Variants in HDAC9 observed in about 807,000 individuals in gnomAD.
HDAC9 encodes the protein MEF-2 interacting transcription repressor (MITR) protein.
A neutral mutation model predicts 139.4 loss-of-function variants in HDAC9; 41 were observed. The ratio of observed to expected loss-of-function variants is 0.29; its 90% confidence interval spans 0.23 to 0.38. The LOEUF is 0.38. Ranked by LOEUF, HDAC9 falls within the 10% of genes least tolerant of loss-of-function variation. HDAC9 has a pLI of 1.00. For missense variants in HDAC9, 1,147 were observed against 1,297.0 expected (o/e 0.88, Z 1.78); for synonymous variants, 517 against 476.2 (o/e 1.09, Z -1.12).
chr7:18,711,953 G>A (rs1304700443), intron 12 of HDAC9, among the ~76,000 whole-genome samples: 1 of 146,100 alleles, frequency 6.8e-6, no homozygotes, highest in Non-Finnish European at 1.5e-5. Flanking sequence ...TTTTTCCTTC[G>A]GGAAAACAGT....
chr7:18,409,842 A>G (rs906646351), intron 1 of HDAC9, among the ~76,000 whole-genome samples: 1 of 152,204 alleles, frequency 6.6e-6, no homozygotes, highest in Non-Finnish European at 1.5e-5. Flanking sequence ...AATATTGGCT[A>G]AATTAAACAT....
At chr7:18,457,638 G>A (rs931283538) in intron 1 of HDAC9, among the ~76,000 whole-genome samples, 3 of 152,078 alleles carry the variant, frequency 2.0e-5, no homozygotes, top group African/African-American at 4.8e-5. Context: ...ATAAACTGTA[G>A]GTTATAAACG....
chr7:18,396,872 T>C (rs544181893), intron 1 of HDAC9, among the ~76,000 whole-genome samples: 1 of 152,280 alleles, frequency 6.6e-6, no homozygotes, highest in South Asian at 2.1e-4. Context: ...GTTGTCATTG[T>C]GTTGTAAAAC....
At chr7:18,409,090 G>A (rs1380033013) in intron 1 of HDAC9, among the ~76,000 whole-genome samples, 1 of 152,174 alleles carries the variant, frequency 6.6e-6, no homozygotes, top group African/African-American at 2.4e-5. Flanking sequence ...GCCCTGGAAT[G>A]TAGTTGCCTT....
intron 1 of HDAC9, among the ~76,000 whole-genome samples, chr7:18,372,457 T>C (rs1400061981): frequency 6.6e-6 from 1 of 152,170 alleles, no homozygotes; most frequent in Non-Finnish European, 1.5e-5. Flanking sequence ...TTTCCAGGAC[T>C]GTATTTTCCC....
intron 1 of HDAC9, among the ~76,000 whole-genome samples, chr7:18,115,952 A>G (rs927458207): frequency 2.6e-5 from 4 of 152,206 alleles, no homozygotes; most frequent in African/African-American, 9.7e-5. Flanking sequence ...ACTTCACTAC[A>G]TTGATACTTA....
At chr7:18,257,523 A>G (rs1405340587) in intron 2 of HDAC9, among the ~76,000 whole-genome samples, 1 of 152,104 alleles carries the variant, frequency 6.6e-6, no homozygotes, top group African/African-American at 2.4e-5. Flanking sequence ...TTTTGTATAA[A>G]TAAATGACCC....
intron 1 of HDAC9, among the ~76,000 whole-genome samples, chr7:18,392,856 G>T (rs561518431): frequency 1.4e-5 from 2 of 140,228 alleles, no homozygotes; most frequent in African/African-American, 2.6e-5. Context: ...TTATTTGCTG[G>T]ACTTGACATT....
chr7:18,887,615 C>A (rs577867783), intron 22 of HDAC9, among the ~76,000 whole-genome samples: 67 of 152,054 alleles, frequency 4.4e-4, no homozygotes, highest in Non-Finnish European at 7.8e-4. Flanking sequence ...ATCATCCCCA[C>A]GAAATCTACT....
chr7:18,364,377 A>G (rs1186957868), intron 1 of HDAC9, among the ~76,000 whole-genome samples: 3 of 152,106 alleles, frequency 2.0e-5, no homozygotes, highest in Non-Finnish European at 4.4e-5. Flanking sequence ...AAATAGTACT[A>G]TTACTTGTAT....
chr7:18,441,327 A>G (rs994011918), intron 1 of HDAC9, among the ~76,000 whole-genome samples: 8 of 152,154 alleles, frequency 5.3e-5, no homozygotes, highest in African/African-American at 1.9e-4. Flanking sequence ...TTACTGGAAC[A>G]TTTATCTTTC....
At chr7:18,551,532 A>G (rs1237405540) in intron 2 of HDAC9, among the ~76,000 whole-genome samples, 1 of 152,208 alleles carries the variant, frequency 6.6e-6, no homozygotes, top group Non-Finnish European at 1.5e-5. Flanking sequence ...AGAAACCCTG[A>G]CAATGTGTGT....
At chr7:18,725,465 A>G (rs1785470047) in intron 12 of HDAC9, among the ~76,000 whole-genome samples, 1 of 1,732 alleles carries the variant, frequency 5.8e-4, no homozygotes, top group Non-Finnish European at 9.8e-4. Context: ...GATTCTTCAA[A>G]TTTGGGTTGA....
intron 2 of HDAC9, among the ~76,000 whole-genome samples, chr7:18,211,943 A>C (rs1297972006): frequency 6.6e-6 from 1 of 152,160 alleles, no homozygotes; most frequent in Non-Finnish European, 1.5e-5. Context: ...GAGTGAACGA[A>C]GGGGAAAGTC....
At chr7:18,730,530 T>A (rs1785953850) in intron 13 of HDAC9, among the ~76,000 whole-genome samples, 1 of 152,202 alleles carries the variant, frequency 6.6e-6, no homozygotes, top group Admixed American at 6.5e-5. Context: ...GCATGGGGGC[T>A]ATTCTAAGAC....
intron 21 of HDAC9, among the ~76,000 whole-genome samples, chr7:18,845,661 A>G (rs1796857110): frequency 6.6e-6 from 1 of 152,060 alleles, no homozygotes; most frequent in African/African-American, 2.4e-5. Flanking sequence ...GTTCTTTTTC[A>G]TAGGTGTGTT....
intron 8 of HDAC9, among the ~76,000 whole-genome samples, chr7:18,637,755 A>G (rs1464967885): frequency 6.6e-6 from 1 of 152,062 alleles, no homozygotes; most frequent in Admixed American, 6.6e-5. Context: ...CAAAAAATGC[A>G]ACCCTGATGG....
At chr7:18,228,350 A>G (rs554937279) in intron 2 of HDAC9, among the ~76,000 whole-genome samples, 13 of 151,822 alleles carry the variant, frequency 8.6e-5, no homozygotes, top group South Asian at 2.1e-4. Context: ...ATAAAACTCA[A>G]TTTTTCTGGT....
At chr7:18,471,417 GGGTTAT>G (rs1794715181) in intron 1 of HDAC9, among the ~76,000 whole-genome samples, 1 of 151,948 alleles carries the variant, frequency 6.6e-6, no homozygotes, top group Admixed American at 6.6e-5. Context: ...ATTAATTTTG[GGGTTAT>G]GAATGCTGCC....
Sources: gnomAD v4.1 joint callset for allele counts (sites outside exome capture counted in the v4.1 genomes callset) on GRCh38, gnomAD v4.1.1 for gene constraint, MANE v1.5 for transcripts, NCBI Gene and HGNC (gene_info 2026-07-23, HGNC 2026-07-21) for gene names.